SLIT2: variants seen among roughly 807,000 people sequenced by gnomAD.
The protein encoded by SLIT2 is slit guidance ligand 2, also known as slit homolog 2 protein.
In SLIT2, 41 loss-of-function variants were observed where a neutral mutation model predicts 185.7. The ratio of observed to expected loss-of-function variants is 0.22; its 90% CI spans 0.17 to 0.29. The LOEUF is 0.29. Among genes scored for constraint, SLIT2 ranks in the 10% least tolerant of loss-of-function variants. The pLI is 1.00. For missense variants in SLIT2, 1,571 were observed against 1,909.0 expected (o/e 0.82, Z 3.30); for synonymous variants, 693 against 680.2 (o/e 1.02, Z -0.29).
At chr4:20,516,027 G>C (rs1365157484) in intron 11 of SLIT2, among the ~76,000 whole-genome samples, 1 of 152,204 alleles carries the variant, frequency 6.6e-6, no homozygotes, top group Non-Finnish European at 1.5e-5. Flanking sequence ...GCGTTGGCCA[G>C]GCTGGTCTTG....
intron 29 of SLIT2, among the ~76,000 whole-genome samples, chr4:20,570,739 A>C (rs566433677): frequency 8.2e-6 from 1 of 121,792 alleles, no homozygotes; most frequent in Admixed American, 8.1e-5. Context: ...ATGTATATAT[A>C]TATATATATA....
intron 4 of SLIT2, among the ~76,000 whole-genome samples, chr4:20,410,860 T>G (rs912106995): frequency 1.3e-5 from 2 of 152,190 alleles, no homozygotes; most frequent in African/African-American, 4.8e-5. Context: ...TGCCTCCAGC[T>G]TTATTCATTT....
At chr4:20,555,254 A>G (rs564782531) in intron 26 of SLIT2, among the ~76,000 whole-genome samples, 7 of 152,122 alleles carry the variant, frequency 4.6e-5, no homozygotes, top group Non-Finnish European at 8.8e-5. Flanking sequence ...TTGAAAACCT[A>G]ACTAAAAAGA....
At chr4:20,268,980 C>A in intron 4 of SLIT2, 99 bp downstream of exon 4, 1 of 754,160 alleles carries the variant, frequency 1.3e-6, no homozygotes, top group Non-Finnish European at 2.4e-6. Context: ...GGAATCTGTT[C>A]ATCAATAGAT....
At chr4:20,616,851 T>C in intron 34 of SLIT2, 59 bp from the exon 35 acceptor site, 33 of 1,516,474 alleles carry the variant, frequency 2.2e-5, no homozygotes, top group Non-Finnish European at 2.8e-5. Context: ...TATTTCTGAG[T>C]AGCAAATGGC....
At chr4:20,356,083 GTGTT>G (rs1168840547) in intron 4 of SLIT2, among the ~76,000 whole-genome samples, 1 of 152,138 alleles carries the variant, frequency 6.6e-6, no homozygotes, top group Non-Finnish European at 1.5e-5. Flanking sequence ...TAATCATTCA[GTGTT>G]TGTTTTTAGT....
intron 5 of SLIT2, among the ~76,000 whole-genome samples, chr4:20,471,572 C>A (rs1300518631): frequency 6.6e-6 from 1 of 152,090 alleles, no homozygotes; most frequent in Admixed American, 6.5e-5. Context: ...GCTGCCCAGG[C>A]CATATTTTGT....
chr4:20,480,965 G>A (rs16869659), intron 6 of SLIT2, among the ~76,000 whole-genome samples, 178 bp downstream of exon 6: 1,825 of 152,084 alleles, frequency 0.012, 33 homozygotes, highest in African/African-American at 0.041. Flanking sequence ...AAAACCTTGC[G>A]TACCATATCT....
At chr4:20,467,729 CT>C in intron 4 of SLIT2, 22 bp from the exon 5 acceptor site, 2 of 1,465,776 alleles carry the variant, frequency 1.4e-6, no homozygotes, top group Non-Finnish European at 1.9e-6. Flanking sequence ...TAACGTGATC[CT>C]TTTTGTTGTT....
intron 29 of SLIT2, among the ~76,000 whole-genome samples, chr4:20,573,725 A>C (rs1725826631): frequency 6.6e-6 from 1 of 152,122 alleles, no homozygotes; most frequent in Non-Finnish European, 1.5e-5. Context: ...TGTAACATGA[A>C]AAATATTTGA....
chr4:20,345,045 T>C (rs147365312), intron 4 of SLIT2, among the ~76,000 whole-genome samples: 2,004 of 152,308 alleles, frequency 0.013, 18 homozygotes, highest in Non-Finnish European at 0.019. Context: ...TTATTGATAG[T>C]AAAATACATA....
chr4:20,384,651 G>T (rs192040816), intron 4 of SLIT2, among the ~76,000 whole-genome samples: 2 of 152,180 alleles, frequency 1.3e-5, no homozygotes, highest in Admixed American at 1.3e-4. Context: ...CAAGAAAAGA[G>T]CTTAATATTA....
chr4:20,315,004 G>T (rs903665642), intron 4 of SLIT2, among the ~76,000 whole-genome samples: 1 of 52,920 alleles, frequency 1.9e-5, no homozygotes, highest in African/African-American at 6.9e-5. Context: ...TGTATTACCT[G>T]TAATAAAATA....
Position 20,617,653 on chromosome 4 carries a change from A to C in SLIT2, c.4348+3A>C. The C allele has an allele frequency of 6.2e-7, 1 of 1,608,058 alleles. No individual in the cohort carries two copies. Among genetic ancestry groups the C allele is most frequent in the Non-Finnish European group, 8.5e-7 (1 of 1,177,824 alleles). On this transcript the variant is annotated splice_donor_region_variant and intron_variant, in intron 36 of 36. Transcript: ENST00000504154. The stretch of plus-strand genomic sequence containing the variant: ...CACGGGGGACAGCTGTGATCGAGGT[A>C]AGCCAGCCCCACTGGGCACCTCATT...
At chr4:20,503,022 C>T (rs1010697137) in intron 9 of SLIT2, among the ~76,000 whole-genome samples, 14 of 152,084 alleles carry the variant, frequency 9.2e-5, no homozygotes, top group African/African-American at 2.9e-4. Context: ...CAGGCCCCCT[C>T]AAATGTAAAA....
intron 24 of SLIT2, 54 bp downstream of exon 24, chr4:20,549,182 G>A: frequency 8.9e-7 from 1 of 1,117,470 alleles, no homozygotes; most frequent in Non-Finnish European, 1.3e-6. Flanking sequence ...CTGAGTTTGG[G>A]GTTGTCTTTT....
intron 4 of SLIT2, among the ~76,000 whole-genome samples, chr4:20,446,523 G>A (rs1711820692): frequency 6.6e-6 from 1 of 152,190 alleles, no homozygotes; most frequent in Non-Finnish European, 1.5e-5. Context: ...CCAAAAATCA[G>A]TATTTGAGAC....
chr4:20,438,496 C>G (rs1276713729), intron 4 of SLIT2, among the ~76,000 whole-genome samples: 2 of 152,130 alleles, frequency 1.3e-5, no homozygotes, highest in Non-Finnish European at 2.9e-5. Flanking sequence ...AAGACCCACT[C>G]CCATGATTCA....
intron 4 of SLIT2, among the ~76,000 whole-genome samples, chr4:20,315,407 A>G (rs527338657): frequency 1.3e-5 from 2 of 152,268 alleles, no homozygotes; most frequent in African/African-American, 2.4e-5. Context: ...GATGATAGAT[A>G]TCTGTGATAT....
Sources: gnomAD v4.1 joint callset for allele counts (sites outside exome capture counted in the v4.1 genomes callset) on GRCh38, gnomAD v4.1.1 for gene constraint, MANE v1.5 for transcripts, NCBI Gene and HGNC (gene_info 2026-07-23, HGNC 2026-07-21) for gene names.